C9orf85: variants seen among roughly 807,000 people sequenced by gnomAD.
C9orf85 encodes uncharacterized protein C9orf85.
A neutral mutation model predicts 14.9 loss-of-function variants in C9orf85; 16 were observed. The observed-to-expected ratio is 1.08, with a 90% CI of 0.73 to 1.63. The LOEUF is 1.63. Among genes scored for constraint, C9orf85 ranks in the 40% most tolerant of loss-of-function variants. The pLI is 0.00. For synonymous variants in C9orf85, 45 were observed against 56.8 expected (o/e 0.79, Z 0.93); for missense variants, 172 against 186.1 (o/e 0.92, Z 0.44).
chr9:71,933,402 T>A (rs901176622), intron 1 of C9orf85, among the ~76,000 whole-genome samples: 2 of 152,208 alleles, frequency 1.3e-5, no homozygotes, highest in African/African-American at 4.8e-5. Context: ...CCCCCTGTTA[T>A]ATGCAGGAGG....
At chr9:71,914,972 C>G (rs969944800) in intron 1 of C9orf85, among the ~76,000 whole-genome samples, 3 of 152,068 alleles carry the variant, frequency 2.0e-5, no homozygotes, top group Non-Finnish European at 4.4e-5. Context: ...GCCTTCTTTC[C>G]CTTACTGGAA....
chr9:71,955,335 A>G (rs1822357509), intron 2 of C9orf85, among the ~76,000 whole-genome samples: 1 of 152,178 alleles, frequency 6.6e-6, no homozygotes, highest in Non-Finnish European at 1.5e-5. Context: ...TAAATTTAAC[A>G]GAGTTTAATT....
intron 2 of C9orf85, among the ~76,000 whole-genome samples, chr9:71,970,123 T>C (rs901615727): frequency 6.6e-6 from 1 of 152,122 alleles, no homozygotes; most frequent in African/African-American, 2.4e-5. Flanking sequence ...TTTTTTTGTA[T>C]TATTAGTAGG....
chr9:71,924,669 T>A (rs970029188), intron 1 of C9orf85, among the ~76,000 whole-genome samples: 2 of 152,202 alleles, frequency 1.3e-5, no homozygotes, highest in African/African-American at 4.8e-5. Flanking sequence ...AATATTTATA[T>A]AGGTTGCTTA....
chr9:71,918,473 G>A (rs1216051040), intron 1 of C9orf85: 1 of 1,301,676 alleles, frequency 7.7e-7, no homozygotes, highest in South Asian at 1.2e-5. Context: ...TCTCCCTGTG[G>A]AGCAGGGGTC....
At chr9:71,958,897 G>A (rs2132332220) in intron 2 of C9orf85, among the ~76,000 whole-genome samples, 1 of 152,204 alleles carries the variant, frequency 6.6e-6, no homozygotes, top group East Asian at 1.9e-4. Flanking sequence ...TATTATATAA[G>A]TTTCTGAAAC....
chr9:71,911,885 C>A (rs1589239662), intron 1 of C9orf85, 49 bp downstream of exon 1: 1 of 1,518,584 alleles, frequency 6.6e-7, no homozygotes, highest in South Asian at 1.1e-5. Flanking sequence ...AGGAATGGCT[C>A]ACTGGAGAGG....
chr9:71,954,808 A>G (rs1473744340), intron 2 of C9orf85, among the ~76,000 whole-genome samples: 2 of 152,158 alleles, frequency 1.3e-5, no homozygotes, highest in Non-Finnish European at 2.9e-5. Context: ...CCATCTGGGA[A>G]TGCAGCCCAG....
At chr9:71,935,331 T>G (rs113431949) in intron 1 of C9orf85, among the ~76,000 whole-genome samples, 11 of 152,118 alleles carry the variant, frequency 7.2e-5, no homozygotes, top group African/African-American at 2.4e-4. Flanking sequence ...GCAGCATTAT[T>G]TACAATAACT....
At chr9:71,980,548 T>G (rs1450609563) in intron 3 of C9orf85, among the ~76,000 whole-genome samples, 1 of 152,120 alleles carries the variant, frequency 6.6e-6, no homozygotes, top group East Asian at 1.9e-4. Flanking sequence ...ATAAAATGAT[T>G]TTTAAAACTA....
intron 1 of C9orf85, among the ~76,000 whole-genome samples, chr9:71,934,247 G>C (rs563296391): frequency 1.3e-5 from 2 of 152,272 alleles, no homozygotes; most frequent in East Asian, 3.9e-4. Context: ...GGGAGGCTGA[G>C]GCATGAGAAT....
At chr9:71,959,293 A>G (rs1822454252) in intron 2 of C9orf85, among the ~76,000 whole-genome samples, 1 of 151,604 alleles carries the variant, frequency 6.6e-6, no homozygotes, top group Admixed American at 6.6e-5. Context: ...ACGCCCCACC[A>G]TGCCCGGCTA....
intron 1 of C9orf85, among the ~76,000 whole-genome samples, chr9:71,914,168 A>G (rs1827587059): frequency 6.6e-6 from 1 of 152,172 alleles, no homozygotes. Flanking sequence ...CTGGAAAGCT[A>G]TTTGATCTGG....
chr9:71,950,695 T>C (rs190977352), intron 2 of C9orf85, among the ~76,000 whole-genome samples: 7 of 152,164 alleles, frequency 4.6e-5, no homozygotes, highest in Non-Finnish European at 1.0e-4. Context: ...GTATAAAGAT[T>C]TATTTTTCTG....
chr9:71,932,888 T>TA (rs1828103809), intron 1 of C9orf85, among the ~76,000 whole-genome samples: 2 of 152,082 alleles, frequency 1.3e-5, no homozygotes, highest in South Asian at 4.1e-4. Flanking sequence ...AAGAAAATGA[T>TA]ATATGAATAA....
chr9:71,948,816 C>G (rs912826992), intron 2 of C9orf85, among the ~76,000 whole-genome samples: 13 of 100,958 alleles, frequency 1.3e-4, no homozygotes, highest in East Asian at 5.3e-4. Flanking sequence ...GAGCCACGCC[C>G]CCCCCCCCCC....
At chr9:71,933,079 T>A (rs984228091) in intron 1 of C9orf85, among the ~76,000 whole-genome samples, 1 of 152,076 alleles carries the variant, frequency 6.6e-6, no homozygotes, top group African/African-American at 2.4e-5. Context: ...ATGAGAAACA[T>A]AAAAGAAAAG....
intron 2 of C9orf85, among the ~76,000 whole-genome samples, chr9:71,956,368 GC>G (rs1356785148): frequency 6.8e-6 from 1 of 147,082 alleles, no homozygotes; most frequent in Non-Finnish European, 1.5e-5. Context: ...TCCTGCCTCA[GC>G]CTCCCAAGTA....
intron 2 of C9orf85, among the ~76,000 whole-genome samples, chr9:71,964,353 A>G (rs772746625): frequency 6.6e-6 from 1 of 151,914 alleles, no homozygotes; most frequent in Admixed American, 6.6e-5. Context: ...CCCCTTCCAC[A>G]CTGTGGAAGC....
Sources: allele counts gnomAD v4.1 joint callset (sites outside exome capture counted in the v4.1 genomes callset), GRCh38; gene constraint gnomAD v4.1.1; transcripts MANE v1.5; gene names NCBI Gene and HGNC (gene_info 2026-07-23, HGNC 2026-07-21).